CYP27A1: variants seen among roughly 807,000 people sequenced by gnomAD.
The protein encoded by CYP27A1 is cytochrome P450 family 27 subfamily A member 1.
CYP27A1 carries 46 observed loss-of-function variants against 58.2 expected under a neutral mutation model. The observed-to-expected ratio is 0.79, with a 90% CI of 0.62 to 1.01. CYP27A1 has a LOEUF of 1.01. Among genes scored for constraint, CYP27A1 ranks in the 50% least tolerant of loss-of-function variants. CYP27A1 has a pLI of 0.00. For missense variants in CYP27A1, 704 were observed against 687.0 expected, an observed-to-expected ratio of 1.02 and a Z score of -0.28; for synonymous variants, 274 against 285.1, an observed-to-expected ratio of 0.96 and a Z score of 0.39.
At chr2:218,811,115 C>T (rs1420198914) in intron 2 of CYP27A1, among the ~76,000 whole-genome samples, 3 of 152,094 alleles carry the variant, frequency 2.0e-5, no homozygotes, top group Non-Finnish European at 4.4e-5. Flanking sequence ...GGTGACAGAG[C>T]GAGACTCTGT....
At chr2:218,789,515 T>C (rs1253145218) in intron 1 of CYP27A1, among the ~76,000 whole-genome samples, 1 of 152,222 alleles carries the variant, frequency 6.6e-6, no homozygotes, top group African/African-American at 2.4e-5. Context: ...GATTACAGCT[T>C]GGCATTAGCC....
chr2:218,802,483 G>T (rs550966469), intron 1 of CYP27A1, among the ~76,000 whole-genome samples: 18 of 152,194 alleles, frequency 1.2e-4, no homozygotes, highest in Non-Finnish European at 2.6e-4. Flanking sequence ...CAGGATGCAT[G>T]AGTTTGTGCT....
At chr2:218,809,373 C>T (rs1943684507) in intron 1 of CYP27A1, among the ~76,000 whole-genome samples, 1 of 151,414 alleles carries the variant, frequency 6.6e-6, no homozygotes, top group Non-Finnish European at 1.5e-5. Flanking sequence ...TCCTTGTGTG[C>T]CCATTTTTTA....
chr2:218,782,188 T>G lies in CYP27A1; in HGVS notation c.6T>G (p.Ala2=), dbSNP rs1265766070. 13 of 1,536,582 alleles carry G rather than the reference T, an allele frequency of 8.5e-6. No homozygotes were observed. The highest frequency in any genetic ancestry group is 1.1e-5 in the Non-Finnish European group (13 of 1,145,904). ...CAGGCGCGCGAGCACAACCCATGGC[T>G]GCGCTGGGCTGCGCGAGGCTGAGGT... The part of the protein sequence containing the change: M[A]ALGCARLRWA... The change falls in exon 1 of 9, where the codon GCT becomes GCG. Residue 2 remains alanine, a synonymous_variant. Transcript: ENST00000258415. This position sits in a 1 kb window ranked among gnomAD's most constrained non-coding sequence, Gnocchi z 4.1.
intron 1 of CYP27A1, among the ~76,000 whole-genome samples, chr2:218,785,247 C>A (rs1943430779): frequency 6.6e-6 from 1 of 152,096 alleles, no homozygotes; most frequent in East Asian, 1.9e-4. Flanking sequence ...AATGCCAGCA[C>A]TGATCTGACA....
In CYP27A1 at chr2:218,809,442, C is replaced by CTTTTTTT. The variant is rs57956133; in HGVS notation, c.256-119_256-113dup. On this transcript the variant is annotated intron_variant, in intron 1 of 8. Transcript: ENST00000258415. ...TGGTGCCTACATCATACACAATGCC[C>CTTTTTTT]TTTTTTTTTTTTTTTTTTTTTTGCC... is the stretch of plus-strand genomic sequence containing the variant. The CTTTTTTT allele has an allele frequency of 1.7e-3, 637 of 370,584 alleles. 87 individuals carry two copies. The African/African-American group carries it at 0.018, about 11-fold the overall frequency. The allele number at this position is 370,584 out of a possible 1,614,324, so 23.0% of individuals were successfully genotyped here. A position where few individuals can be genotyped will look rare whatever the true frequency, so the allele number is the denominator to read the frequency against.
intron 1 of CYP27A1, among the ~76,000 whole-genome samples, chr2:218,807,656 A>T (rs1214475533): frequency 6.6e-6 from 1 of 152,152 alleles, no homozygotes; most frequent in African/African-American, 2.4e-5. Flanking sequence ...TCACTCTGTC[A>T]TCTAGGCTGG....
chr2:218,790,023 GT>G (rs1426002346), intron 1 of CYP27A1, among the ~76,000 whole-genome samples: 1 of 152,178 alleles, frequency 6.6e-6, no homozygotes, highest in African/African-American at 2.4e-5. Context: ...CTCTATTTTG[GT>G]TTGGTGTGGT....
intron 2 of CYP27A1, among the ~76,000 whole-genome samples, chr2:218,810,875 C>T (rs370798794): frequency 1.9e-4 from 29 of 152,158 alleles, no homozygotes; most frequent in East Asian, 7.7e-4. Context: ...TGACTGGGTG[C>T]GGTGGCTCAC....
intron 5 of CYP27A1, among the ~76,000 whole-genome samples, chr2:218,813,494 C>A (rs866926384): frequency 7.9e-5 from 12 of 152,212 alleles, no homozygotes; most frequent in Non-Finnish European, 4.4e-5. Flanking sequence ...GGCTTGATCT[C>A]AGCTGACTGC....
intron 3 of CYP27A1, 36 bp downstream of exon 3, chr2:218,812,457 G>C: frequency 6.2e-7 from 1 of 1,612,620 alleles, no homozygotes; most frequent in Middle Eastern, 1.7e-4. Flanking sequence ...GGAAGGGAAT[G>C]GGTCAGGGAG....
At chr2:218,803,825 C>T (rs987582533) in intron 1 of CYP27A1, among the ~76,000 whole-genome samples, 4 of 146,202 alleles carry the variant, frequency 2.7e-5, no homozygotes, top group South Asian at 2.2e-4. Flanking sequence ...CTCCACCTCC[C>T]GGGTTCAAGT....
chr2:218,803,750 T>TTTTTG, intron 1 of CYP27A1, among the ~76,000 whole-genome samples: 1 of 91,050 alleles, frequency 1.1e-5, no homozygotes, highest in Non-Finnish European at 2.2e-5. Flanking sequence ...TTTTTTTTTT[T>TTTTTG]AGATGGGAGT....
intron 1 of CYP27A1, among the ~76,000 whole-genome samples, chr2:218,793,841 G>A (rs1943520105): frequency 6.6e-6 from 1 of 151,692 alleles, no homozygotes; most frequent in Non-Finnish European, 1.5e-5. Flanking sequence ...AGACTCCCAA[G>A]TAGCTGGGAT....
chr2:218,795,885 A>G (rs1207762969), intron 1 of CYP27A1, among the ~76,000 whole-genome samples: 1 of 152,216 alleles, frequency 6.6e-6, no homozygotes, highest in Non-Finnish European at 1.5e-5. Context: ...TTATTTCTAC[A>G]TAGGCCTTTT....
Position 218,812,230 on chromosome 2 carries a change from A to T in CYP27A1, c.455A>T (p.His152Leu), listed in dbSNP as rs768932304. 1.3e-5 allele frequency: 21 copies of T among 1,614,066 alleles called. No individual in the cohort carries two copies. The South Asian group carries it at 2.3e-4, about 18-fold the overall frequency. ...LTYGPFTTEGHHWYQLRQALN... is the reference protein window; with the variant it reads ...LTYGPFTTEGLHWYQLRQALN... ...CCTCTGCGTCCCTGCAGGGAAGGACACCACTGGTACCAGCTGCGCCAGGCT... is the reference window on the plus strand; with the variant it reads ...CCTCTGCGTCCCTGCAGGGAAGGACTCCACTGGTACCAGCTGCGCCAGGCT... Residue 152 changes from histidine to leucine, a missense_variant, in exon 3 of 9, where the codon CAC becomes CTC. Physicochemically the swap from His to Leu is moderately conservative, Grantham distance 99. Coordinates refer to ENST00000258415, the MANE Select transcript of CYP27A1 (RefSeq NM_000784.4).
At chr2:218,813,193 A>G in intron 5 of CYP27A1, 97 bp downstream of exon 5, 1 of 1,140,680 alleles carries the variant, frequency 8.8e-7, no homozygotes, top group African/African-American at 1.6e-5. Flanking sequence ...CATCCCTCCA[A>G]GGACCTGCTT....
chr2:218,799,353 G>A (rs959482506), intron 1 of CYP27A1, among the ~76,000 whole-genome samples: 1 of 152,160 alleles, frequency 6.6e-6, no homozygotes, highest in Non-Finnish European at 1.5e-5. Context: ...GAGGTCATGG[G>A]AAGCATAAAC....
chr2:218,790,557 C>G (rs1036310030), intron 1 of CYP27A1, among the ~76,000 whole-genome samples: 24 of 152,326 alleles, frequency 1.6e-4, no homozygotes, highest in Middle Eastern at 3.4e-3. Flanking sequence ...TGCATAGATA[C>G]TTCCCTGTTT....
Sources: allele counts gnomAD v4.1 joint callset (sites outside exome capture counted in the v4.1 genomes callset), GRCh38; gene constraint gnomAD v4.1.1; non-coding constraint Gnocchi (gnomAD v3.1); transcripts MANE v1.5; gene names NCBI Gene and HGNC (gene_info 2026-07-23, HGNC 2026-07-21).